The following FAM20C variants were observed in gnomAD, a reference collection of about 807,000 sequenced individuals.
FAM20C encodes extracellular serine/threonine protein kinase FAM20C.
A neutral mutation model predicts 51.5 loss-of-function variants in FAM20C; 40 were observed. The ratio of observed to expected loss-of-function variants is 0.78; its 90% CI spans 0.60 to 1.01. The LOEUF (loss-of-function observed/expected upper bound fraction) is 1.01, where lower values mean the gene tolerates loss of function less well. Ranked by LOEUF, FAM20C falls within the 50% of genes least tolerant of loss-of-function variation. FAM20C has a pLI of 0.00. For missense variants in FAM20C, 861 were observed against 844.7 expected (o/e 1.02, Z -0.24); for synonymous variants, 406 against 380.6 (o/e 1.07, Z -0.78).
intron 3 of FAM20C, among the ~76,000 whole-genome samples, chr7:218,351 G>A (rs945261536): frequency 4.6e-5 from 7 of 152,210 alleles, no homozygotes; most frequent in South Asian, 2.1e-4. Flanking sequence ...GGGTCCCTCC[G>A]TGTGTCCTGC....
chr7:197,733 C>T (rs369286137), intron 2 of FAM20C, among the ~76,000 whole-genome samples: 2 of 152,236 alleles, frequency 1.3e-5, no homozygotes, highest in East Asian at 1.9e-4. Context: ...AGCTCGCCAC[C>T]TCCCTCACCG....
intron 3 of FAM20C, 189 bp from the exon 4 acceptor site, chr7:246,226 C>T (rs1397669958): frequency 3.5e-6 from 2 of 565,242 alleles, no homozygotes; most frequent in East Asian, 3.0e-5. Flanking sequence ...CTCCGTCGCA[C>T]GTGCCTGCGC....
chr7:255,776 T>C, intron 5 of FAM20C, 73 bp from the exon 6 acceptor site: 3 of 1,497,562 alleles, frequency 2.0e-6, no homozygotes, highest in Non-Finnish European at 2.7e-6. Flanking sequence ...GGCCCGGCCT[T>C]GGGGGCCGTG....
intron 3 of FAM20C, among the ~76,000 whole-genome samples, chr7:211,784 A>C (rs1257539809): frequency 6.6e-6 from 1 of 152,192 alleles, no homozygotes; most frequent in African/African-American, 2.4e-5. Flanking sequence ...AAGGGAAAGG[A>C]TACGTCCAAG....
intron 4 of FAM20C, 40 bp downstream of exon 4, chr7:246,547 G>A (rs1315321663): frequency 3.1e-5 from 39 of 1,248,072 alleles, no homozygotes; most frequent in Non-Finnish European, 3.8e-5. Context: ...GCTCCCGTGC[G>A]CTCAGACCCA....
intron 3 of FAM20C, chr7:227,502 G>A (rs1204929352): frequency 6.6e-6 from 1 of 151,992 alleles, no homozygotes; most frequent in Non-Finnish European, 1.5e-5. Flanking sequence ...CTCCACGGAG[G>A]AAAAACAAGA....
chr7:242,945 AACCTGTGCCACCCGGGAT>A lies in FAM20C; in HGVS notation c.864-3434_864-3417del, dbSNP rs1291791100. Among the ~76,000 whole-genome samples the A allele has an allele frequency of 3.1e-4, 47 of 151,670 alleles. 1 individual carries two copies. Among genetic ancestry groups the A allele is most frequent in the South Asian group, 1.7e-3 (8 of 4,776 alleles). On this transcript the variant is annotated intron_variant, in intron 3 of 9. Transcript: ENST00000313766. Reference sequence around the variant, plus strand: ...GCCCCCCAAGACAGTACCTACAAGAAACCTGTGCCACCCGGGATACCTGTGCCACCCGGGATACCTGTG... The same window carrying A: ...GCCCCCCAAGACAGTACCTACAAGAAACCTGTGCCACCCGGGATACCTGTG...
intron 2 of FAM20C, among the ~76,000 whole-genome samples, chr7:206,399 G>A (rs1786380729): frequency 6.6e-6 from 1 of 151,754 alleles, no homozygotes; most frequent in South Asian, 2.1e-4. Context: ...CTTTCCCTGG[G>A]ACCCCCTGAG....
intron 2 of FAM20C, among the ~76,000 whole-genome samples, chr7:202,055 G>A (rs879818450): frequency 1.3e-5 from 2 of 152,264 alleles, no homozygotes; most frequent in African/African-American, 4.8e-5. Flanking sequence ...CGGGGAAGAA[G>A]CAGACTGTCA....
At chr7:256,572 G>C in intron 6 of FAM20C, 82 bp from the exon 7 acceptor site, 1 of 1,164,036 alleles carries the variant, frequency 8.6e-7, no homozygotes, top group Admixed American at 2.0e-5. Context: ...CTGCCGCAGT[G>C]TTTCTCTTCT....
intron 3 of FAM20C, among the ~76,000 whole-genome samples, chr7:217,759 C>T (rs771556296): frequency 1.9e-4 from 29 of 152,116 alleles, no homozygotes; most frequent in East Asian, 3.8e-4. Context: ...AACAATGACC[C>T]GGGGCCCGCG....
intron 3 of FAM20C, among the ~76,000 whole-genome samples, chr7:211,718 A>G (rs768710354): frequency 1.3e-5 from 2 of 152,146 alleles, no homozygotes; most frequent in Non-Finnish European, 2.9e-5. Context: ...GGGTTACAGC[A>G]TAGCCAGGAA....
chr7:219,762 T>C (rs1397303155), intron 3 of FAM20C, among the ~76,000 whole-genome samples: 3 of 152,150 alleles, frequency 2.0e-5, no homozygotes, highest in Non-Finnish European at 4.4e-5. Context: ...CTGGCTCTTC[T>C]CCTAGAGCCC....
rs1030979813 is a variant in FAM20C, at chr7:260,241, G to A, written c.*261G>A. The A allele has an allele frequency of 4.2e-5, 18 of 431,212 alleles. No homozygotes were observed. The highest frequency in any genetic ancestry group is 6.0e-4 in the Middle Eastern group (1 of 1,678). The allele number at this position is 431,212 out of a possible 1,614,324, so 26.7% of individuals were successfully genotyped here. On this transcript the variant is annotated 3_prime_UTR_variant, in exon 10 of 10. Transcript: ENST00000313766. Reference sequence around the variant, plus strand: ...GCGCCGGAGGCATTCCATCCTTTCTGTAGGGAAAGGAGCCTTTATTTACTA... The same window carrying A: ...GCGCCGGAGGCATTCCATCCTTTCTATAGGGAAAGGAGCCTTTATTTACTA...
At chr7:230,692 G>A (rs1338785713) in intron 3 of FAM20C, among the ~76,000 whole-genome samples, 1 of 152,200 alleles carries the variant, frequency 6.6e-6, no homozygotes, top group African/African-American at 2.4e-5. Context: ...TGAGGATAGA[G>A]CCTGGCACAT....
intron 3 of FAM20C, among the ~76,000 whole-genome samples, chr7:217,330 G>A: frequency 1.0e-4 from 1 of 9,554 alleles, no homozygotes; most frequent in African/African-American, 3.8e-4. Context: ...ATCATCCCTG[G>A]CTCCTGTTGC....
intron 3 of FAM20C, among the ~76,000 whole-genome samples, chr7:235,881 C>T (rs1288629334): frequency 6.6e-6 from 1 of 152,234 alleles, no homozygotes; most frequent in Non-Finnish European, 1.5e-5. Flanking sequence ...ATTCCTGTTC[C>T]AGGAAACATT....
intron 3 of FAM20C, chr7:228,498 C>T (rs1326368095): frequency 2.2e-5 from 10 of 456,162 alleles, no homozygotes; most frequent in South Asian, 1.5e-4. Context: ...GTGTCCCTGT[C>T]CCTCCCCTGT....
intron 2 of FAM20C, among the ~76,000 whole-genome samples, chr7:202,773 G>A (rs749238155): frequency 6.6e-6 from 1 of 151,554 alleles, no homozygotes; most frequent in Admixed American, 6.6e-5. Context: ...AGTGTGCATA[G>A]AGAGAATGGG....
Sources: gnomAD v4.1 joint callset for allele counts (sites outside exome capture counted in the v4.1 genomes callset) on GRCh38, gnomAD v4.1.1 for gene constraint, MANE v1.5 for transcripts, NCBI Gene and HGNC (gene_info 2026-07-23, HGNC 2026-07-21) for gene names.